Variants in ITGA8 observed in about 807,000 individuals in gnomAD.
The protein encoded by ITGA8 is integrin alpha-8.
Under a neutral mutation model 142.3 loss-of-function variants are expected in ITGA8, and 91 were observed. That is an observed-to-expected ratio of 0.64 (90% CI 0.54 to 0.76). The LOEUF is 0.76. Among genes scored for constraint, ITGA8 ranks in the 30% least tolerant of loss-of-function variants. The probability of loss-of-function intolerance (pLI) is 0.00; values close to 1 mark genes in which losing one functional copy is unlikely to be tolerated. For missense variants in ITGA8, 1,406 were observed against 1,327.7 expected, an observed-to-expected ratio of 1.06 and a Z score of -0.92; for synonymous variants, 505 against 485.2, an observed-to-expected ratio of 1.04 and a Z score of -0.54.
chr10:15,542,014 C>A (rs1833578451), intron 27 of ITGA8, among the ~76,000 whole-genome samples: 1 of 152,046 alleles, frequency 6.6e-6, no homozygotes, highest in South Asian at 2.1e-4. Context: ...TTTATTCAAA[C>A]CTGTAACATC....
intron 22 of ITGA8, among the ~76,000 whole-genome samples, chr10:15,590,539 G>A (rs1362356015): frequency 1.3e-5 from 2 of 152,192 alleles, no homozygotes; most frequent in African/African-American, 4.8e-5. Context: ...CATGTCACTG[G>A]AGGATCAATG....
chr10:15,550,922 C>T (rs929101293), intron 26 of ITGA8, among the ~76,000 whole-genome samples: 1 of 151,696 alleles, frequency 6.6e-6, no homozygotes, highest in Non-Finnish European at 1.5e-5. Context: ...ATGCTGAGGC[C>T]CTGAACTGAG....
At chr10:15,632,653 A>G (rs1207579894) in intron 13 of ITGA8, among the ~76,000 whole-genome samples, 1 of 152,204 alleles carries the variant, frequency 6.6e-6, no homozygotes, top group Non-Finnish European at 1.5e-5. Context: ...TATCACACCA[A>G]GGTCACTACA....
intron 21 of ITGA8, among the ~76,000 whole-genome samples, chr10:15,595,986 G>A (rs1421999225): frequency 6.6e-6 from 1 of 152,208 alleles, no homozygotes; most frequent in Non-Finnish European, 1.5e-5. Context: ...GGGAGGCAGA[G>A]GTTGCGGTGA....
intron 21 of ITGA8, among the ~76,000 whole-genome samples, chr10:15,595,352 G>A (rs967062595): frequency 6.6e-6 from 1 of 152,002 alleles, no homozygotes; most frequent in African/African-American, 2.4e-5. Flanking sequence ...ACAAAATGAA[G>A]AAGAATATAA....
chr10:15,520,952 A>C (rs1278027061), intron 28 of ITGA8, among the ~76,000 whole-genome samples: 1 of 152,188 alleles, frequency 6.6e-6, no homozygotes, highest in Non-Finnish European at 1.5e-5. Context: ...TGGTGTTTTC[A>C]CAGCCTGAAC....
chr10:15,573,915 C>T (rs963876919), intron 24 of ITGA8, among the ~76,000 whole-genome samples: 1 of 151,828 alleles, frequency 6.6e-6, no homozygotes, highest in Non-Finnish European at 1.5e-5. Context: ...CAAAACCAAA[C>T]AAAAACCTGA....
intron 23 of ITGA8, among the ~76,000 whole-genome samples, chr10:15,581,380 CCT>C (rs1479594479): frequency 6.6e-6 from 1 of 152,096 alleles, no homozygotes; most frequent in African/African-American, 2.4e-5. Flanking sequence ...GGATGGAAAC[CCT>C]GTGTTTGGTC....
chr10:15,612,578 T>C (rs190030852), intron 15 of ITGA8, among the ~76,000 whole-genome samples: 54 of 152,318 alleles, frequency 3.5e-4, no homozygotes, highest in Non-Finnish European at 6.3e-4. Flanking sequence ...AACTGTGTTA[T>C]AGTCAAGTTC....
chr10:15,682,774 C>T (rs943334076), intron 4 of ITGA8, among the ~76,000 whole-genome samples: 1 of 151,300 alleles, frequency 6.6e-6, no homozygotes, highest in Non-Finnish European at 1.5e-5. Context: ...TTGCTTGAGC[C>T]CAGGAAGTCG....
At chr10:15,654,716 G>T (rs1022017255) in intron 11 of ITGA8, among the ~76,000 whole-genome samples, 1 of 152,212 alleles carries the variant, frequency 6.6e-6, no homozygotes, top group Non-Finnish European at 1.5e-5. Context: ...GGAACGTGGT[G>T]TGTGATCCAA....
At chr10:15,546,568 CA>C (rs1449893215) in intron 27 of ITGA8, among the ~76,000 whole-genome samples, 8 of 152,210 alleles carry the variant, frequency 5.3e-5, no homozygotes, top group Non-Finnish European at 1.2e-4. Context: ...AGGTAGAGGT[CA>C]GGGGTGCTGC....
intron 28 of ITGA8, among the ~76,000 whole-genome samples, chr10:15,530,667 C>T (rs977169639): frequency 1.8e-4 from 28 of 151,918 alleles, no homozygotes; most frequent in Middle Eastern, 3.4e-3. Context: ...CAAAGCCATG[C>T]GGCTGCTCCG....
chr10:15,636,501 T>G (rs187990923), intron 13 of ITGA8, among the ~76,000 whole-genome samples: 30 of 152,324 alleles, frequency 2.0e-4, no homozygotes, highest in Admixed American at 5.2e-4. Context: ...TTAGGAAAAT[T>G]ATTCCACACA....
chr10:15,638,177 G>A (rs550913048), intron 13 of ITGA8, among the ~76,000 whole-genome samples: 7 of 152,244 alleles, frequency 4.6e-5, no homozygotes, highest in East Asian at 1.9e-4. Context: ...AGAACAGATC[G>A]TTTGACAATG....
Position 15,693,779 on chromosome 10 carries a change from A to T in ITGA8, c.344-5741T>A, listed in dbSNP as rs1017019725. Among the ~76,000 whole-genome samples the T allele has an allele frequency of 3.3e-5, 5 of 152,328 alleles. No individual in the cohort carries two copies. In the East Asian group the frequency reaches 9.6e-4, roughly 29 times the overall value. Reference sequence around the variant, plus strand: ...TGCACAGGTGGTCATAAAGTCACGAAGGTTCCATGAGATAAGTGATCGTGA... The same window carrying T: ...TGCACAGGTGGTCATAAAGTCACGATGGTTCCATGAGATAAGTGATCGTGA... On this transcript the variant is annotated intron_variant, in intron 2 of 29. Transcript: ENST00000378076.
At chr10:15,615,306 A>T (rs1469799359) in intron 14 of ITGA8, among the ~76,000 whole-genome samples, 1 of 152,160 alleles carries the variant, frequency 6.6e-6, no homozygotes, top group Non-Finnish European at 1.5e-5. Flanking sequence ...CTTAAGTGGG[A>T]TATGGCTGGT....
chr10:15,719,014 G>C, intron 1 of ITGA8, 115 bp from the exon 2 acceptor site: 1 of 1,468,322 alleles, frequency 6.8e-7, no homozygotes, highest in Non-Finnish European at 9.3e-7. Context: ...GGGCATGAAC[G>C]TATTTATGAT....
Position 15,694,316 on chromosome 10 carries a change from T to TAC in ITGA8, c.344-6279_344-6278insGT, listed in dbSNP as rs1391157807. On this transcript the variant is annotated intron_variant, in intron 2 of 29. Coordinates refer to ENST00000378076, the MANE Select transcript of ITGA8 (RefSeq NM_003638.3). ...ATATCATATATATGATAATATATCA[T>TAC]ATATATGATAATATATCATATATCA... 5.0e-3 allele frequency among the ~76,000 whole-genome samples: 465 copies of TAC among 93,336 alleles called. 9 individuals carry two copies. The highest frequency in any genetic ancestry group is 0.014 in the African/African-American group (373 of 26,852). 61.2% of individuals were successfully genotyped at this position (93,336 alleles called of 152,430 possible).
Sources: allele counts gnomAD v4.1 joint callset (sites outside exome capture counted in the v4.1 genomes callset), GRCh38; gene constraint gnomAD v4.1.1; transcripts MANE v1.5; gene names NCBI Gene and HGNC (gene_info 2026-07-23, HGNC 2026-07-21).